NCALD: variants seen among roughly 807,000 people sequenced by gnomAD.
NCALD encodes the protein neurocalcin delta, also known as neurocalcin-delta.
In NCALD, 10 loss-of-function variants were observed where a neutral mutation model predicts 18.6. That is an observed-to-expected ratio of 0.54 (90% confidence interval 0.33 to 0.91). The LOEUF (loss-of-function observed/expected upper bound fraction) is 0.91, where lower values mean the gene tolerates loss of function less well. NCALD is among the 40% of genes least tolerant of loss of function. The pLI, the probability that NCALD is intolerant of heterozygous loss-of-function variation, is 0.03. For missense variants in NCALD, 184 were observed against 247.6 expected, an observed-to-expected ratio of 0.74 and a Z score of 1.72; for synonymous variants, 88 against 87.4, an observed-to-expected ratio of 1.01 and a Z score of -0.04.
intron 2 of NCALD, among the ~76,000 whole-genome samples, chr8:101,921,314 C>A (rs547188657): frequency 6.6e-6 from 1 of 151,026 alleles, no homozygotes; most frequent in South Asian, 2.1e-4. Context: ...CAAAGTATCA[C>A]TTTTATTAGG....
At chr8:101,802,755 G>T (rs904477870) in intron 4 of NCALD, among the ~76,000 whole-genome samples, 3 of 151,952 alleles carry the variant, frequency 2.0e-5, no homozygotes, top group African/African-American at 7.3e-5. Flanking sequence ...ATAAAACTTT[G>T]AATCTAGCAA....
chr8:101,992,097 T>G (rs1821070245), intron 2 of NCALD, among the ~76,000 whole-genome samples: 1 of 152,196 alleles, frequency 6.6e-6, no homozygotes, highest in South Asian at 2.1e-4. Flanking sequence ...ATTATGAAAG[T>G]CGCATGGGAA....
At chr8:101,877,045 T>C (rs940590073) in intron 4 of NCALD, among the ~76,000 whole-genome samples, 3 of 152,188 alleles carry the variant, frequency 2.0e-5, no homozygotes, top group African/African-American at 7.2e-5. Context: ...CTTTAAGTCT[T>C]AAGTAAAAAA....
intron 4 of NCALD, chr8:101,872,083 G>A: frequency 6.6e-7 from 1 of 1,513,194 alleles, no homozygotes; most frequent in Non-Finnish European, 9.1e-7. Flanking sequence ...AGGATAATTG[G>A]GTATGCAGGT....
At chr8:101,848,861 TATATACCCAA>T (rs1814979128) in intron 4 of NCALD, among the ~76,000 whole-genome samples, 5 of 152,192 alleles carry the variant, frequency 3.3e-5, no homozygotes, top group African/African-American at 1.2e-4. Flanking sequence ...CATTACTGGG[TATATACCCAA>T]AGGAATATAA....
At chr8:101,743,155 C>T (rs1810284492) in intron 1 of NCALD, among the ~76,000 whole-genome samples, 1 of 152,146 alleles carries the variant, frequency 6.6e-6, no homozygotes, top group African/African-American at 2.4e-5. Flanking sequence ...AGGCCATGAG[C>T]TATGCACTTT....
intron 2 of NCALD, among the ~76,000 whole-genome samples, chr8:102,007,883 G>T (rs189557089): frequency 6.6e-6 from 1 of 152,158 alleles, no homozygotes; most frequent in Non-Finnish European, 1.5e-5. Context: ...TTCTGTTTCT[G>T]AGTACACTTT....
intron 2 of NCALD, among the ~76,000 whole-genome samples, chr8:101,993,824 C>T (rs144868251): frequency 4.6e-5 from 7 of 152,298 alleles, no homozygotes; most frequent in African/African-American, 1.4e-4. Context: ...TATCACTGTG[C>T]GACGTGCTAA....
intron 2 of NCALD, among the ~76,000 whole-genome samples, chr8:101,962,102 A>T (rs1219312603): frequency 2.0e-5 from 3 of 152,212 alleles, no homozygotes; most frequent in Non-Finnish European, 4.4e-5. Context: ...TTAAAAAAAA[A>T]TGCAGAAGTC....
chr8:102,046,111 T>G (rs1186689917), intron 1 of NCALD, among the ~76,000 whole-genome samples: 3 of 152,258 alleles, frequency 2.0e-5, no homozygotes, highest in Admixed American at 6.5e-5. Flanking sequence ...TACATTAAAG[T>G]AATTCATTGT....
chr8:101,732,626 C>T (rs1174913606), intron 1 of NCALD, among the ~76,000 whole-genome samples: 2 of 85,472 alleles, frequency 2.3e-5, no homozygotes, highest in African/African-American at 9.2e-5. Flanking sequence ...TTTTTTGAGA[C>T]AGGGTCTTGC....
At chr8:101,948,710 A>G (rs1306320796) in intron 2 of NCALD, among the ~76,000 whole-genome samples, 1 of 152,206 alleles carries the variant, frequency 6.6e-6, no homozygotes, top group Non-Finnish European at 1.5e-5. Flanking sequence ...TGAAAAGAAT[A>G]GGAAATGTGC....
chr8:101,752,886 A>G (rs897295315), intron 1 of NCALD, among the ~76,000 whole-genome samples: 48 of 152,180 alleles, frequency 3.2e-4, no homozygotes, highest in African/African-American at 1.1e-3. Flanking sequence ...TCAACATGTA[A>G]CAATTTTAAA....
At chr8:101,955,528 G>A (rs1209511664) in intron 2 of NCALD, among the ~76,000 whole-genome samples, 2 of 152,110 alleles carry the variant, frequency 1.3e-5, no homozygotes, top group Non-Finnish European at 2.9e-5. Flanking sequence ...GCAAAAACAG[G>A]CAGTAAGTTA....
intron 4 of NCALD, among the ~76,000 whole-genome samples, chr8:101,818,774 G>C (rs1442696685): frequency 6.6e-6 from 1 of 152,204 alleles, no homozygotes; most frequent in Non-Finnish European, 1.5e-5. Context: ...GGGAGGCCAA[G>C]ACAGGTGGAT....
chr8:101,962,137 T>A (rs892093393), intron 2 of NCALD, among the ~76,000 whole-genome samples: 5 of 152,086 alleles, frequency 3.3e-5, no homozygotes, highest in Admixed American at 3.3e-4. Context: ...CAAAAACCCA[T>A]AATAATCTCC....
intron 4 of NCALD, among the ~76,000 whole-genome samples, chr8:101,852,182 A>G (rs1322240190): frequency 6.6e-6 from 1 of 152,212 alleles, no homozygotes; most frequent in Non-Finnish European, 1.5e-5. Context: ...GGACTGAGAC[A>G]CTTGGATAAG....
intron 4 of NCALD, among the ~76,000 whole-genome samples, chr8:101,809,880 G>T (rs184375656): frequency 3.9e-5 from 6 of 152,224 alleles, no homozygotes; most frequent in Admixed American, 3.9e-4. Context: ...TCAAGACCAT[G>T]AATCTCTCTT....
At chr8:101,840,284 C>A (rs573362427) in intron 4 of NCALD, among the ~76,000 whole-genome samples, 1 of 152,132 alleles carries the variant, frequency 6.6e-6, no homozygotes, top group African/African-American at 2.4e-5. Flanking sequence ...TGTGCACACA[C>A]AGGAGCTGAA....
Sources: allele counts gnomAD v4.1 joint callset (sites outside exome capture counted in the v4.1 genomes callset), GRCh38; gene constraint gnomAD v4.1.1; transcripts MANE v1.5; gene names NCBI Gene and HGNC (gene_info 2026-07-23, HGNC 2026-07-21).